Variants in POLE observed in about 807,000 individuals in gnomAD.
POLE encodes the protein DNA polymerase epsilon, catalytic subunit.
A neutral mutation model predicts 279.2 loss-of-function variants in POLE; 188 were observed. That is an observed-to-expected ratio of 0.67 (90% CI 0.60 to 0.76). The LOEUF is 0.76. Among genes scored for constraint, POLE ranks in the 30% least tolerant of loss-of-function variants. The pLI is 0.00. For synonymous variants in POLE, 1,214 were observed against 1,172.5 expected, an observed-to-expected ratio of 1.04 and a Z score of -0.72; for missense variants, 2,703 against 3,016.7, an observed-to-expected ratio of 0.90 and a Z score of 2.44.
chr12:132,666,082 T>C (rs1007458485), intron 20 of POLE, among the ~76,000 whole-genome samples: 5 of 152,080 alleles, frequency 3.3e-5, no homozygotes, highest in African/African-American at 2.4e-5. Context: ...TGGGTACATA[T>C]CCAAAATCAC....
rs5745081 is a variant in POLE at position 132,625,013 on chromosome 12, G to C, written c.6658-19C>G. 7.4e-5 allele frequency: 119 copies of C among 1,602,392 alleles called. No homozygotes were observed. The East Asian group carries it at 1.4e-3, about 19-fold the overall frequency. Reference sequence around the variant, plus strand: ...GGCAGACCTGAAAGGGAGCAGCCCCGATGGGCGCCAGCCCTCCCGCGCTGG... The same window carrying C: ...GGCAGACCTGAAAGGGAGCAGCCCCCATGGGCGCCAGCCCTCCCGCGCTGG... On this transcript the variant is annotated intron_variant, in intron 47 of 48. Transcript: ENST00000320574.
Position 132,668,382 on chromosome 12 carries a change from G to T in POLE, c.2147C>A (p.Ala716Glu), listed in dbSNP as rs567031389. The change falls in exon 19 of 49, where the codon GCG becomes GAG. Residue 716 changes from alanine (A) to glutamate (E), a missense_variant. By Grantham distance (107) the Ala-to-Glu change is moderately radical. Coordinates refer to ENST00000320574, the MANE Select transcript of POLE (RefSeq NM_006231.4). This position sits in a 1 kb window ranked among gnomAD's most constrained non-coding sequence, Gnocchi z 4.0. ...CGCCAGCCTTCTCTTCTCGTATTTC[G>T]CCTGTTCCTCGCGGGACAGTTCATG... The part of the protein sequence containing the change: ...AFHELSREEQ[A>E]KYEKRRLADY... The T allele has an allele frequency of 6.3e-7, 1 of 1,595,680 alleles. No individual in the cohort carries two copies. Among genetic ancestry groups the T allele is most frequent in the Non-Finnish European group, 8.5e-7 (1 of 1,170,402 alleles).
At position 132,661,015 on chromosome 12, in the gene POLE, G is replaced by A. The variant is rs550579850; in HGVS notation, c.3014C>T (p.Ser1005Phe). 2 of 1,613,940 alleles carry A rather than the reference G, an allele frequency of 1.2e-6. No individual in the cohort carries two copies. The highest frequency in any genetic ancestry group is 4.5e-5 in the East Asian group (2 of 44,882). Residue 1005 changes from serine (S) to phenylalanine (F), a missense_variant, in exon 25 of 49, where the codon TCT (serine) becomes TTT (phenylalanine). Ser to Phe is a radical substitution (Grantham distance 155, BLOSUM62 -2). Transcript: ENST00000320574. The surrounding 1 kb of genome is among the most constrained non-coding windows in gnomAD (Gnocchi z 4.1). Reference protein sequence around the residue: ...KGSTLEEVYGSVAKVADYWLD... With the variant: ...KGSTLEEVYGFVAKVADYWLD... ...CCAGTAGTCAGCCACCTTGGCTACA[G>A]AGCCATACACCTCTTCCAGCGTGCT...
In POLE at chr12:132,634,363, C is replaced by T. The variant is rs1365730773; in HGVS notation, c.5827G>A (p.Ala1943Thr). 6.2e-7 allele frequency: 1 copy of T among 1,613,296 alleles called. No individual in the cohort carries two copies. Among genetic ancestry groups the T allele is most frequent in the South Asian group, 1.1e-5 (1 of 90,956 alleles). Reference protein sequence around the residue: ...IHCGLQDSQKAGGAEDEQENE... With the variant: ...IHCGLQDSQKTGGAEDEQENE... ...TCCTGCTCATCCTCTGCTCCCCCTG[C>T]TTTCTGGGAGTCTTGCTGTAACACA... Residue 1943 changes from alanine to threonine, a missense_variant, in exon 43 of 49, where the codon GCA becomes ACA. Ala to Thr is a moderately conservative substitution (Grantham distance 58, BLOSUM62 0). Around this residue, in one of 5 missense-constraint regions of POLE, gnomAD observed 1,551 missense variants for 1,686.1 expected, o/e 0.92. Transcript: ENST00000320574. This position sits in a 1 kb window ranked among gnomAD's most constrained non-coding sequence, Gnocchi z 4.0.
chr12:132,628,479 T>A (rs2041877584), intron 45 of POLE, among the ~76,000 whole-genome samples: 1 of 151,994 alleles, frequency 6.6e-6, no homozygotes, highest in East Asian at 1.9e-4. Flanking sequence ...TCTGTCTCTA[T>A]TAAAAATACA....
At chr12:132,636,440 GGAAAAAAAA>G (rs1157096016) in intron 41 of POLE, among the ~76,000 whole-genome samples, 33 of 70,362 alleles carry the variant, frequency 4.7e-4, no homozygotes, top group African/African-American at 1.3e-3. Flanking sequence ...ATCCATTTAA[GGAAAAAAAA>G]AAAAAAAAAA....
intron 1 of POLE, among the ~76,000 whole-genome samples, chr12:132,681,685 G>A (rs5744729): frequency 0.022 from 3,320 of 152,222 alleles, 120 homozygotes; most frequent in African/African-American, 0.076. Context: ...CTTGGAAAAA[G>A]GCTCATTAAG....
At chr12:132,646,255 G>T (rs1486588564) in intron 32 of POLE, among the ~76,000 whole-genome samples, 1 of 152,138 alleles carries the variant, frequency 6.6e-6, no homozygotes, top group South Asian at 2.1e-4. Flanking sequence ...ACAGAAATCA[G>T]GCCAGCAGAA....
intron 40 of POLE, chr12:132,638,863 A>G (rs2042084810): frequency 2.1e-6 from 1 of 484,502 alleles, no homozygotes; most frequent in Non-Finnish European, 3.7e-6. Context: ...CAAGGCACAC[A>G]GCAATACAAT....
In POLE at chr12:132,681,253, G is replaced by A. The variant is rs997586826; in HGVS notation, c.89C>T (p.Ser30Leu). Residue 30 changes from serine to leucine, a missense_variant, in exon 2 of 49, where the codon TCG becomes TTG. Coordinates refer to ENST00000320574, the MANE Select transcript of POLE (RefSeq NM_006231.4). ...SRDDGATSSV[S>L]ALKRLERSQW... ...ACTCCGTTCCAGGCGCTTGAGTGCC[G>A]AAACTGAGGAAGTGGCGCCATCATC... The A allele has an allele frequency of 4.1e-5, 66 of 1,614,050 alleles. No individual in the cohort carries two copies. The highest frequency in any genetic ancestry group is 1.6e-4 in the Middle Eastern group (1 of 6,084).
At position 132,642,580 on chromosome 12, in the gene POLE, G is replaced by C; in HGVS notation, c.4878C>G (p.Arg1626=). The C allele has an allele frequency of 6.2e-7, 1 of 1,613,534 alleles. No homozygotes were observed. Among genetic ancestry groups the C allele is most frequent in the Non-Finnish European group, 8.5e-7 (1 of 1,180,034 alleles). Residue 1626 remains arginine, a synonymous_variant, in exon 37 of 49, where the codon CGC becomes CGG. Coordinates refer to ENST00000320574, the MANE Select transcript of POLE (RefSeq NM_006231.4). ...KINYGVLDWQ[R]HGARRMIRHY... ...GACGGATCATGCGCCGGGCTCCATG[G>C]CGCTGCCAGTCCAGGACCCCATAGT... is the stretch of plus-strand genomic sequence containing the variant.
rs2138674713 is a variant in POLE at position 132,659,327 on chromosome 12, G to A, written c.3243C>T (p.Ser1081=). 6.2e-7 allele frequency: 1 copy of A among 1,614,188 alleles called. No homozygotes were observed. The highest frequency in any genetic ancestry group is 1.1e-5 in the South Asian group (1 of 91,090). ...TGACAGGGGAGCCCTCGGGCTTGCG[G>A]GAGATGATGTAGCGGCAACTCAGCC... ...DAGLSCRYII[S]RKPEGSPVTE... Residue 1081 remains serine, a synonymous_variant, in exon 26 of 49, where the codon TCC becomes TCT. Coordinates refer to ENST00000320574, the MANE Select transcript of POLE (RefSeq NM_006231.4).
At position 132,675,438 on chromosome 12, in the gene POLE, C is replaced by G. The variant is rs776752006; in HGVS notation, c.1186G>C (p.Glu396Gln). The G allele has an allele frequency of 6.2e-7, 1 of 1,614,158 alleles. No homozygotes were observed. The highest frequency in any genetic ancestry group is 8.5e-7 in the Non-Finnish European group (1 of 1,180,024). The change falls in exon 12 of 49, where the codon GAG becomes CAG. Residue 396 changes from glutamate to glutamine, a missense_variant. Physicochemically the swap from Glu to Gln is conservative, Grantham distance 29 (BLOSUM62 2). This residue lies in a region of POLE where 1,011 missense variants were observed against 1,111.7 expected (regional missense o/e 0.91). Transcript: ENST00000320574. This position sits in a 1 kb window ranked among gnomAD's most constrained non-coding sequence, Gnocchi z 4.3. ...EIGFQKDSQG[E>Q]YKAPQCIHMD... ...TGGATGCACTGGGGCGCCTTGTACT[C>G]CCCCTGGCTGTCCTTCTGGAAGCCT...
intron 15 of POLE, 85 bp downstream of exon 15, chr12:132,672,542 G>A: frequency 1.4e-6 from 2 of 1,403,660 alleles, no homozygotes; most frequent in Non-Finnish European, 2.0e-6. Flanking sequence ...ATGGGGAGAA[G>A]GGGCTTTATT....
intron 29 of POLE, among the ~76,000 whole-genome samples, chr12:132,655,895 C>T (rs866014044): frequency 1.6e-4 from 24 of 152,052 alleles, no homozygotes; most frequent in South Asian, 2.1e-4. Context: ...AGCCACTGGG[C>T]GCAGTGCTGT....
intron 29 of POLE, among the ~76,000 whole-genome samples, chr12:132,654,689 G>A (rs2042495637): frequency 6.6e-6 from 1 of 152,204 alleles, no homozygotes; most frequent in Admixed American, 6.5e-5. Flanking sequence ...CTATGCAGGA[G>A]GCTGAGGCAG....
intron 6 of POLE, among the ~76,000 whole-genome samples, chr12:132,679,190 T>A (rs1311165548): frequency 6.6e-6 from 1 of 152,168 alleles, no homozygotes; most frequent in Non-Finnish European, 1.5e-5. Flanking sequence ...AATTCATAGA[T>A]GGATTGTGTT....
At position 132,635,934 on chromosome 12, in the gene POLE, G is replaced by T. The variant is rs375198950; in HGVS notation, c.5769C>A (p.Gly1923=). 1 of 1,613,616 alleles carries T rather than the reference G, an allele frequency of 6.2e-7. No individual in the cohort carries two copies. The highest frequency in any genetic ancestry group is 1.1e-5 in the South Asian group (1 of 91,024). Residue 1923 remains glycine (G), a synonymous_variant, in exon 42 of 49, where the codon GGC becomes GGA. Transcript: ENST00000320574. ...GAGATGAAACTTTTCCTTTGATTCC[G>T]CCATAGTTAGATGGATCCATCCAGA... ...FLLWMDPSNY[G]GIKGKVSSRI...
chr12:132,680,565 C>A, intron 3 of POLE, 42 bp downstream of exon 3: 1 of 1,435,952 alleles, frequency 7.0e-7, no homozygotes, highest in Non-Finnish European at 9.8e-7. Flanking sequence ...TACATGAACA[C>A]CCATAAAAGT....
Sources: gnomAD v4.1 joint callset for allele counts (sites outside exome capture counted in the v4.1 genomes callset) on GRCh38, gnomAD v4.1.1 for gene constraint, gnomAD v4.1.1 regional missense constraint, Gnocchi (gnomAD v3.1) non-coding constraint, MANE v1.5 for transcripts, NCBI Gene and HGNC (gene_info 2026-07-23, HGNC 2026-07-21) for gene names.